MTDH: variants seen among roughly 807,000 people sequenced by gnomAD.
The protein encoded by MTDH is metadherin, also known as protein LYRIC.
MTDH carries 34 observed loss-of-function variants against 72.7 expected under a neutral mutation model. The ratio of observed to expected loss-of-function variants is 0.47; its 90% CI spans 0.36 to 0.62. The LOEUF is 0.62. Among genes scored for constraint, MTDH ranks in the 20% least tolerant of loss-of-function variants. The probability of loss-of-function intolerance (pLI) is 0.00; values close to 1 mark genes in which losing one functional copy is unlikely to be tolerated. For missense variants in MTDH, 677 were observed against 699.4 expected (o/e 0.97, Z 0.36); for synonymous variants, 266 against 268.9 (o/e 0.99, Z 0.10).
At chr8:97,716,043 T>A (rs2131073241) in intron 9 of MTDH, among the ~76,000 whole-genome samples, 1 of 152,356 alleles carries the variant, frequency 6.6e-6, no homozygotes, top group Non-Finnish European at 1.5e-5. Flanking sequence ...TTTTGAGAAT[T>A]TGATATCCAT....
intron 1 of MTDH, among the ~76,000 whole-genome samples, chr8:97,645,548 C>T (rs1425255999): frequency 6.6e-6 from 1 of 152,178 alleles, no homozygotes; most frequent in East Asian, 1.9e-4. Flanking sequence ...TGAGAAAGAG[C>T]TAAGGCGAGT....
intron 9 of MTDH, among the ~76,000 whole-genome samples, chr8:97,716,263 G>T (rs1183978160): frequency 6.6e-6 from 1 of 152,070 alleles, no homozygotes; most frequent in Non-Finnish European, 1.5e-5. Flanking sequence ...GCATGCACCT[G>T]TAATCCCAGC....
intron 6 of MTDH, among the ~76,000 whole-genome samples, chr8:97,697,150 A>ATATATATATATATTTTTT: frequency 7.3e-5 from 5 of 68,790 alleles, no homozygotes; most frequent in African/African-American, 4.6e-4. Flanking sequence ...ATATATATAT[A>ATATATATATATATTTTTT]TTTTTTTTTT....
rs1449476067 is a variant in MTDH, at chr8:97,644,318, G to C, written c.-189G>C. ...GCGGCGGCGGAGTGAGGCTGACAGC[G>C]GGGAACCTGGGAGACCCCTCCGCCC... On this transcript the variant is annotated 5_prime_UTR_variant, in exon 1 of 12. Coordinates refer to ENST00000336273, the MANE Select transcript of MTDH (RefSeq NM_178812.4). 1 of 691,656 alleles carries C rather than the reference G, an allele frequency of 1.4e-6. No individual in the cohort carries two copies. Among genetic ancestry groups the C allele is most frequent in the Non-Finnish European group, 2.2e-6 (1 of 449,498 alleles). 42.8% of individuals were successfully genotyped at this position (691,656 alleles called of 1,614,324 possible). A position where few individuals can be genotyped will look rare whatever the true frequency, so the allele number is the denominator to read the frequency against.
intron 6 of MTDH, among the ~76,000 whole-genome samples, chr8:97,695,718 G>A (rs527512464): frequency 6.6e-5 from 10 of 152,244 alleles, no homozygotes; most frequent in African/African-American, 2.4e-4. Flanking sequence ...AGATCTATTA[G>A]GTATGAATCT....
chr8:97,722,943 C>G lies in MTDH; in HGVS notation c.1586C>G (p.Ser529Cys), dbSNP rs555435156. 1.0e-4 allele frequency: 162 copies of G among 1,614,042 alleles called. 4 individuals carry two copies. In the South Asian group the frequency reaches 1.8e-3, roughly 18 times the overall value. ...EPSVILSKSDSDKSSSQVPPI... is the reference protein window; with the variant it reads ...EPSVILSKSDCDKSSSQVPPI... ...TCTGTAATCTTATCAAAAAGTGATT[C>G]TGACAAGAGCTCTTCCCAAGTGCCG... Residue 529 changes from serine (S) to cysteine (C), a missense_variant, in exon 11 of 12, where the codon TCT (serine) becomes TGT (cysteine). Around this residue, in one of 3 missense-constraint regions of MTDH, gnomAD observed 201 missense variants for 204.5 expected, o/e 0.98. Transcript: ENST00000336273.
intron 2 of MTDH, among the ~76,000 whole-genome samples, chr8:97,682,262 ATATATATATATATATATATTTT>A (rs1813152996): frequency 1.8e-4 from 1 of 5,412 alleles, no homozygotes; most frequent in African/African-American, 7.6e-4. Flanking sequence ...ATATATATAT[ATATATATATATATATATATTTT>A]TTTTTTTTTT....
intron 6 of MTDH, among the ~76,000 whole-genome samples, chr8:97,699,484 A>G (rs1171862900): frequency 1.3e-5 from 2 of 152,108 alleles, no homozygotes; most frequent in African/African-American, 4.8e-5. Context: ...CAGTTGGTGT[A>G]TAATACAAAA....
intron 10 of MTDH, 27 bp downstream of exon 10, chr8:97,719,216 C>G: frequency 6.2e-7 from 1 of 1,607,160 alleles, no homozygotes; most frequent in East Asian, 2.2e-5. Flanking sequence ...ATAAAGTTGC[C>G]GGGCGCAGTG....
chr8:97,678,618 T>TTTTTTTTTTTTTTTTTGA (rs1812950421), intron 2 of MTDH, among the ~76,000 whole-genome samples: 1 of 142,136 alleles, frequency 7.0e-6, no homozygotes, highest in African/African-American at 2.6e-5. Flanking sequence ...TTTTTTTTTT[T>TTTTTTTTTTTTTTTTTGA]GAGAGAGAGA....
intron 2 of MTDH, 95 bp downstream of exon 2, chr8:97,661,268 C>T: frequency 1.2e-6 from 1 of 853,988 alleles, no homozygotes; most frequent in Non-Finnish European, 1.8e-6. Flanking sequence ...GTATGTATAC[C>T]TCTCATTTAA....
chr8:97,682,750 TAAAA>T (rs202070289), intron 2 of MTDH, among the ~76,000 whole-genome samples: 1 of 151,474 alleles, frequency 6.6e-6, no homozygotes, highest in East Asian at 1.9e-4. Flanking sequence ...TCTCCCTTCT[TAAAA>T]AAAAATCTTA....
intron 1 of MTDH, among the ~76,000 whole-genome samples, chr8:97,649,900 G>A (rs142541778): frequency 0.026 from 4,015 of 151,784 alleles, 108 homozygotes; most frequent in African/African-American, 0.061. Flanking sequence ...CACTGCCCCC[G>A]GCCATTATTT....
chr8:97,720,005 G>A (rs989818077), intron 10 of MTDH, among the ~76,000 whole-genome samples: 8 of 144,366 alleles, frequency 5.5e-5, no homozygotes, highest in African/African-American at 2.0e-4. Flanking sequence ...ATAAATTCAG[G>A]GCTGGGTGTG....
intron 1 of MTDH, among the ~76,000 whole-genome samples, chr8:97,659,142 CAA>C (rs11346137): frequency 5.5e-4 from 69 of 125,202 alleles, no homozygotes; most frequent in Middle Eastern, 4.6e-3. Context: ...GACTGCGTCT[CAA>C]AAAAAAAAAA....
intron 2 of MTDH, among the ~76,000 whole-genome samples, chr8:97,682,702 A>G (rs1813185372): frequency 6.6e-6 from 1 of 152,056 alleles, no homozygotes; most frequent in Non-Finnish European, 1.5e-5. Context: ...ATCCCCAGAT[A>G]TTTCCTTGTA....
chr8:97,682,184 ATTATT>A (rs1813106756), intron 2 of MTDH, among the ~76,000 whole-genome samples: 1 of 122,268 alleles, frequency 8.2e-6, no homozygotes, highest in Admixed American at 9.0e-5. Context: ...TTCATAAGCT[ATTATT>A]TTATTTAATC....
intron 8 of MTDH, 67 bp downstream of exon 8, chr8:97,706,817 C>T (rs1176542990): frequency 8.6e-6 from 13 of 1,516,752 alleles, no homozygotes; most frequent in African/African-American, 1.4e-5. Flanking sequence ...CAGTGGCTCA[C>T]GCCTATGATT....
intron 2 of MTDH, among the ~76,000 whole-genome samples, chr8:97,669,435 A>G (rs377104261): frequency 2.4e-4 from 36 of 152,220 alleles, no homozygotes; most frequent in Middle Eastern, 3.4e-3. Flanking sequence ...GGCATGAGCC[A>G]CTGCGCCTGG....
Sources: gnomAD v4.1 joint callset for allele counts (sites outside exome capture counted in the v4.1 genomes callset) on GRCh38, gnomAD v4.1.1 for gene constraint, gnomAD v4.1.1 regional missense constraint, MANE v1.5 for transcripts, NCBI Gene and HGNC (gene_info 2026-07-23, HGNC 2026-07-21) for gene names.